Variants in AGO4 observed in about 807,000 individuals in gnomAD.
AGO4 encodes the protein protein argonaute-4.
In AGO4, 33 loss-of-function variants were observed where a neutral mutation model predicts 104.7. The observed-to-expected ratio is 0.32, with a 90% CI of 0.24 to 0.42. The LOEUF is 0.42. Ranked by LOEUF, AGO4 falls within the 10% of genes least tolerant of loss-of-function variation. The pLI is 1.00. For missense variants in AGO4, 711 were observed against 1,083.4 expected (o/e 0.66, Z 4.83); for synonymous variants, 331 against 364.7 (o/e 0.91, Z 1.05).
In AGO4 at chr1:35,832,500, G is replaced by A; in HGVS notation, c.1309G>A (p.Gly437Ser). 6.2e-7 allele frequency: 1 copy of A among 1,612,690 alleles called. No individual in the cohort carries two copies. Among genetic ancestry groups the A allele is most frequent in the East Asian group, 2.2e-5 (1 of 44,810 alleles). The change falls in exon 11 of 18, where the codon GGC (glycine) becomes AGC (serine). Residue 437 changes from glycine (G) to serine (S), a missense_variant. Coordinates refer to ENST00000373210, the MANE Select transcript of AGO4 (RefSeq NM_017629.4). ...WDMRGKQFYAGIEIKVWAVAC... is the reference protein window; with the variant it reads ...WDMRGKQFYASIEIKVWAVAC... ...CATGCGAGGAAAGCAGTTTTATGCT[G>A]GCATTGAAATTAAAGTTTGGGCAGT...
intron 13 of AGO4, among the ~76,000 whole-genome samples, chr1:35,836,595 G>T (rs1644319890): frequency 6.6e-6 from 1 of 152,186 alleles, no homozygotes; most frequent in Admixed American, 6.5e-5. Flanking sequence ...ATTTTTAGTA[G>T]AGACGGGGTT....
At position 35,814,133 on chromosome 1, in the gene AGO4, G is replaced by A. The variant is rs574351374; in HGVS notation, c.20-2749G>A. 9.1e-5 allele frequency among the ~76,000 whole-genome samples: 13 copies of A among 142,610 alleles called. No individual in the cohort carries two copies. The South Asian group carries it at 2.2e-3, about 24-fold the overall frequency. 93.6% of individuals were successfully genotyped at this position (142,610 alleles called of 152,430 possible). Reference sequence around the variant, plus strand: ...GAGAGAGAAAAAAGGAAGGAAGGAAGGAAAGAAGGAAGGACAGAAGGGAAG... The same window carrying A: ...GAGAGAGAAAAAAGGAAGGAAGGAAAGAAAGAAGGAAGGACAGAAGGGAAG... On this transcript the variant is annotated intron_variant, in intron 1 of 17. Coordinates refer to ENST00000373210, the MANE Select transcript of AGO4 (RefSeq NM_017629.4).
In AGO4 at chr1:35,825,728, C is replaced by T; in HGVS notation, c.538C>T (p.His180Tyr). The change falls in exon 5 of 18, where the codon CAC (histidine) becomes TAC (tyrosine). Residue 180 changes from histidine to tyrosine, a missense_variant. Coordinates refer to ENST00000373210, the MANE Select transcript of AGO4 (RefSeq NM_017629.4). ...TTTCTCACCCCCGGAAGGTTACTAC[C>T]ACCCTCTGGGAGGGGGCAGGGAGGT... ...SFFSPPEGYYHPLGGGREVWF... is the reference protein window; with the variant it reads ...SFFSPPEGYYYPLGGGREVWF... 6.3e-7 allele frequency: 1 copy of T among 1,589,092 alleles called. No individual in the cohort carries two copies. Among genetic ancestry groups the T allele is most frequent in the Non-Finnish European group, 8.5e-7 (1 of 1,171,354 alleles).
At chr1:35,827,790 C>CTTTTTTTTTTTTTTTTTTTTTTTTTTTTT (rs142432459) in intron 7 of AGO4, among the ~76,000 whole-genome samples, 1 of 103,850 alleles carries the variant, frequency 9.6e-6, no homozygotes, top group African/African-American at 3.5e-5. Flanking sequence ...TGTTGTTATT[C>CTTTTTTTTTTTTTTTTTTTTTTTTTTTTT]TTTTTTTTTT....
At chr1:35,842,363 G>A (rs1390362471) in intron 15 of AGO4, among the ~76,000 whole-genome samples, 2 of 152,122 alleles carry the variant, frequency 1.3e-5, no homozygotes, top group Non-Finnish European at 2.9e-5. Context: ...CATGAAACCT[G>A]TCCTTGCTGC....
chr1:35,829,821 A>G (rs1342595348), intron 7 of AGO4, among the ~76,000 whole-genome samples: 2 of 143,902 alleles, frequency 1.4e-5, no homozygotes, highest in Non-Finnish European at 3.0e-5. Context: ...AGCCTGGGCA[A>G]CAGAGTGAGA....
Position 35,841,041 on chromosome 1 carries a change from T to G in AGO4, c.1725-124T>G. On this transcript the variant is annotated intron_variant, in intron 13 of 17. Transcript: ENST00000373210. This position sits in a 1 kb window ranked among gnomAD's most constrained non-coding sequence, Gnocchi z 4.7. The stretch of plus-strand genomic sequence containing the variant: ...AGTGGTCCGTAGTGTTCTTTCCCAA[T>G]GGGCTTAAGTCTTTGTTCTCTCTTA... The G allele has an allele frequency of 9.7e-7, 1 of 1,027,766 alleles. No individual in the cohort carries two copies. Among genetic ancestry groups the G allele is most frequent in the Non-Finnish European group, 1.4e-6 (1 of 708,264 alleles). The allele number at this position is 1,027,766 out of a possible 1,614,324, so 63.7% of individuals were successfully genotyped here.
At chr1:35,853,428 G>C in intron 17 of AGO4, 69 bp from the exon 18 acceptor site, 1 of 1,419,366 alleles carries the variant, frequency 7.0e-7, no homozygotes, top group South Asian at 1.3e-5. Flanking sequence ...TTGTTTTTTT[G>C]TTGTTGTTGT....
chr1:35,816,759 A>G, intron 1 of AGO4, 123 bp from the exon 2 acceptor site: 1 of 1,117,834 alleles, frequency 8.9e-7, no homozygotes, highest in Non-Finnish European at 1.2e-6. Context: ...AGATCAAGCC[A>G]CTGCACTCCA....
intron 7 of AGO4, among the ~76,000 whole-genome samples, chr1:35,828,687 T>G (rs1644098339): frequency 6.6e-6 from 1 of 152,070 alleles, no homozygotes; most frequent in Non-Finnish European, 1.5e-5. Flanking sequence ...GCCCAGCTAA[T>G]TTTTTGTATT....
chr1:35,808,371 A>G lies in AGO4; in HGVS notation c.-46A>G, dbSNP rs1167033297. 3 of 986,764 alleles carry G rather than the reference A, an allele frequency of 3.0e-6. No homozygotes were observed. Among genetic ancestry groups the G allele is most frequent in the Non-Finnish European group, 2.4e-6 (2 of 824,692 alleles). 61.1% of individuals were successfully genotyped at this position (986,764 alleles called of 1,614,324 possible). On this transcript the variant is annotated 5_prime_UTR_variant, in exon 1 of 18. Transcript: ENST00000373210. This position sits in a 1 kb window ranked among gnomAD's most constrained non-coding sequence, Gnocchi z 5.2. ...CGGCGGCGGCGGCGGCGGGGCCCGG[A>G]GCGGGAGGCGCCGGGGACCGGGGCG...
At chr1:35,846,270 C>T (rs1213669454) in intron 15 of AGO4, among the ~76,000 whole-genome samples, 4 of 152,020 alleles carry the variant, frequency 2.6e-5, no homozygotes, top group Non-Finnish European at 5.9e-5. Flanking sequence ...AATTCTTTGC[C>T]CCATTTCCAG....
intron 15 of AGO4, among the ~76,000 whole-genome samples, chr1:35,843,694 A>G (rs1350384357): frequency 6.6e-6 from 1 of 152,190 alleles, no homozygotes; most frequent in African/African-American, 2.4e-5. Flanking sequence ...CTTTGCTAAT[A>G]CAAATTCGTT....
At chr1:35,825,540 T>G in intron 4 of AGO4, 46 bp downstream of exon 4, 1 of 1,590,600 alleles carries the variant, frequency 6.3e-7, no homozygotes, top group Non-Finnish European at 8.6e-7. Context: ...TCAGACTTTT[T>G]TGGTAGGTTG....
At position 35,825,807 on chromosome 1, in the gene AGO4, A is replaced by G; in HGVS notation, c.617A>G (p.Asn206Ser). 2 of 1,588,180 alleles carry G rather than the reference A, an allele frequency of 1.3e-6. No individual in the cohort carries two copies. The highest frequency in any genetic ancestry group is 1.7e-6 in the Non-Finnish European group (2 of 1,168,928). Residue 206 changes from asparagine (N) to serine (S), a missense_variant, in exon 5 of 18, where the codon AAC becomes AGC. Physicochemically the swap from Asn to Ser is conservative, Grantham distance 46 (BLOSUM62 1). This residue lies in a region of AGO4 where 308 missense variants were observed against 397.8 expected (regional missense o/e 0.77). Coordinates refer to ENST00000373210, the MANE Select transcript of AGO4 (RefSeq NM_017629.4). ...CCTGCCATGTGGAATATGATGCTCA[A>G]CATTGATGGTAGGATGGAACTCTCT... ...VRPAMWNMMLNIDVSATAFYR... is the reference protein window; with the variant it reads ...VRPAMWNMMLSIDVSATAFYR...
intron 3 of AGO4, among the ~76,000 whole-genome samples, chr1:35,823,826 C>T (rs778671736): frequency 1.3e-5 from 2 of 149,932 alleles, no homozygotes; most frequent in Admixed American, 1.3e-4. Context: ...CCAGGTGATC[C>T]ACCATCTCAG....
chr1:35,848,127 T>C (rs72902953), intron 15 of AGO4, among the ~76,000 whole-genome samples: 4,166 of 152,342 alleles, frequency 0.027, 197 homozygotes, highest in African/African-American at 0.092. Flanking sequence ...TGATATGTAT[T>C]CTGTTCCTAC....
At chr1:35,831,642 T>C (rs931749541) in intron 8 of AGO4, 68 bp downstream of exon 8, 11 of 1,560,718 alleles carry the variant, frequency 7.0e-6, no homozygotes, top group Non-Finnish European at 9.5e-6. Flanking sequence ...AGTAGAGTTC[T>C]AAACTAGTGG....
intron 12 of AGO4, 45 bp downstream of exon 12, chr1:35,834,219 A>T (rs1255201337): frequency 7.0e-7 from 1 of 1,433,388 alleles, no homozygotes; most frequent in South Asian, 1.6e-5. Flanking sequence ...TTCAAGCAGT[A>T]GATATAACAG....
Sources: allele counts gnomAD v4.1 joint callset (sites outside exome capture counted in the v4.1 genomes callset), GRCh38; gene constraint gnomAD v4.1.1; regional missense constraint gnomAD v4.1.1; non-coding constraint Gnocchi (gnomAD v3.1); transcripts MANE v1.5; gene names NCBI Gene and HGNC (gene_info 2026-07-23, HGNC 2026-07-21).